The following COL18A1 variants were observed in gnomAD, a reference collection of about 807,000 sequenced individuals.
COL18A1 encodes collagen alpha-1(XVIII) chain.
COL18A1 carries 133 observed loss-of-function variants against 168.0 expected under a neutral mutation model. That is an observed-to-expected ratio of 0.79 (90% CI 0.69 to 0.91). The LOEUF (loss-of-function observed/expected upper bound fraction) is 0.91, where lower values mean the gene tolerates loss of function less well. Ranked by LOEUF, COL18A1 falls within the 40% of genes least tolerant of loss-of-function variation. The pLI, the probability that COL18A1 is intolerant of heterozygous loss-of-function variation, is 0.00. For missense variants in COL18A1, 2,126 were observed against 1,925.4 expected (o/e 1.10, Z -1.95); for synonymous variants, 949 against 809.0 (o/e 1.17, Z -2.94).
At chr21:45,478,287 A>C (rs774911728) in intron 8 of COL18A1, 40 bp from the exon 9 acceptor site, 1 of 1,613,752 alleles carries the variant, frequency 6.2e-7, no homozygotes, top group African/African-American at 1.3e-5. Flanking sequence ...GCGCCGGAGG[A>C]GTCATTTCCC....
At position 45,482,556 on chromosome 21, in the gene COL18A1, G is replaced by C. The variant is rs549720334; in HGVS notation, c.1675-239G>C. Among the ~76,000 whole-genome samples, 6 of 152,328 alleles carry C rather than the reference G, an allele frequency of 3.9e-5. No homozygotes were observed. In the East Asian group the frequency reaches 1.2e-3, roughly 29 times the overall value. Reference sequence around the variant, plus strand: ...GAGGCATCCAGGCCCCAGGCCCCACGTGTAGCCAGGTCCAGCATTGGGACC... The same window carrying C: ...GAGGCATCCAGGCCCCAGGCCCCACCTGTAGCCAGGTCCAGCATTGGGACC... On this transcript the variant is annotated intron_variant, in intron 14 of 41. Transcript: ENST00000651438.
intron 2 of COL18A1, among the ~76,000 whole-genome samples, chr21:45,461,237 G>A (rs2035034975): frequency 6.6e-6 from 1 of 152,234 alleles, no homozygotes; most frequent in Non-Finnish European, 1.5e-5. Flanking sequence ...GGCCTCGGCT[G>A]TGCCCTGTTA....
chr21:45,475,430 G>A, intron 4 of COL18A1, 46 bp from the exon 5 acceptor site: 1 of 1,539,298 alleles, frequency 6.5e-7, no homozygotes, highest in South Asian at 1.2e-5. Context: ...CTCGGGGCCT[G>A]GCCTGGCTGC....
In COL18A1 at chr21:45,465,319, C is replaced by T. The variant is rs186162744; in HGVS notation, c.107-2923C>T. ...AGAGATTGAATGTTGTAAACGTGTC[C>T]GAGTGTCAACAGGAAGTCTCCACCC... On this transcript the variant is annotated intron_variant, in intron 2 of 41. Transcript: ENST00000651438. Among the ~76,000 whole-genome samples the T allele has an allele frequency of 1.2e-4, 18 of 152,220 alleles. No homozygotes were observed. The East Asian group carries it at 1.4e-3, about 11-fold the overall frequency.
At chr21:45,465,519 C>T (rs1478325005) in intron 2 of COL18A1, among the ~76,000 whole-genome samples, 1 of 152,220 alleles carries the variant, frequency 6.6e-6, no homozygotes, top group Non-Finnish European at 1.5e-5. Context: ...GTGGCGCACT[C>T]TTCAAGCTCT....
At chr21:45,474,452 T>G (rs1410792766) in intron 4 of COL18A1, among the ~76,000 whole-genome samples, 1 of 148,448 alleles carries the variant, frequency 6.7e-6, no homozygotes, top group Admixed American at 6.6e-5. Flanking sequence ...TCTCTGTGTG[T>G]AGTGTGTCTC....
rs777883403 is a variant in COL18A1 at position 45,505,780 on chromosome 21, C to G, written c.3088-58C>G. 2.4e-5 allele frequency: 31 copies of G among 1,293,052 alleles called. No individual in the cohort carries two copies. In the South Asian group the frequency reaches 2.8e-4, roughly 12 times the overall value. 80.1% of individuals were successfully genotyped at this position (1,293,052 alleles called of 1,614,324 possible). ...CCCTGAAACGGGCATTCCTTCCTTC[C>G]GCCCCTGCCCCCCGCCCTCCCCGCC... On this transcript the variant is annotated intron_variant, in intron 36 of 41. Transcript: ENST00000651438.
chr21:45,493,361 C>A, intron 25 of COL18A1, 136 bp downstream of exon 25: 1 of 1,279,762 alleles, frequency 7.8e-7, no homozygotes, highest in Non-Finnish European at 1.1e-6. Flanking sequence ...CATCCCTGCT[C>A]GGGCCGTCCC....
At chr21:45,434,079 G>A (rs1410437969) in intron 2 of COL18A1, among the ~76,000 whole-genome samples, 2 of 152,024 alleles carry the variant, frequency 1.3e-5, no homozygotes, top group African/African-American at 4.8e-5. Context: ...GCAGGTGCAT[G>A]GGCCAGGTGT....
intron 2 of COL18A1, among the ~76,000 whole-genome samples, chr21:45,453,121 T>G (rs914904183): frequency 6.6e-6 from 1 of 151,938 alleles, no homozygotes; most frequent in African/African-American, 2.4e-5. Context: ...TGTATGTGTG[T>G]GGGCTTGTGT....
intron 32 of COL18A1, among the ~76,000 whole-genome samples, chr21:45,503,299 A>C (rs1372578257): frequency 1.3e-5 from 2 of 151,856 alleles, no homozygotes; most frequent in East Asian, 3.9e-4. Context: ...TGTGGTTTTG[A>C]TTTGCATTTC....
At chr21:45,504,088 A>C (rs2037034167) in intron 33 of COL18A1, 34 bp downstream of exon 33, 3 of 1,609,848 alleles carry the variant, frequency 1.9e-6, no homozygotes, top group Non-Finnish European at 2.5e-6. Context: ...GGGGGCCCCC[A>C]AGGTCCTGTA....
chr21:45,451,237 C>T (rs2034615822), intron 2 of COL18A1, among the ~76,000 whole-genome samples: 1 of 152,238 alleles, frequency 6.6e-6, no homozygotes, highest in Admixed American at 6.5e-5. Context: ...TACCACAGCA[C>T]TGTAGCCTAG....
intron 6 of COL18A1, among the ~76,000 whole-genome samples, chr21:45,476,891 T>A (rs925622586): frequency 2.0e-5 from 3 of 150,376 alleles, no homozygotes; most frequent in African/African-American, 7.4e-5. Flanking sequence ...GCATGTGTAA[T>A]GTACATGTGT....
chr21:45,494,261 C>CTCCACCA, intron 26 of COL18A1: 1 of 512,590 alleles, frequency 2.0e-6, no homozygotes, highest in South Asian at 2.0e-5. Context: ...ACCCTCCACC[C>CTCCACCA]TCCACCCCTG....
chr21:45,478,379 CT>C, intron 9 of COL18A1, 26 bp downstream of exon 9: 1 of 1,612,788 alleles, frequency 6.2e-7, no homozygotes, highest in Non-Finnish European at 8.5e-7. Flanking sequence ...TTTCTGACCC[CT>C]GTGTTATCTG....
intron 25 of COL18A1, 88 bp from the exon 26 acceptor site, chr21:45,493,413 G>A (rs2036427429): frequency 7.3e-7 from 1 of 1,373,436 alleles, no homozygotes; most frequent in African/African-American, 1.4e-5. Context: ...GCGAGGCCCA[G>A]TCACAGCGGC....
Position 45,488,459 on chromosome 21 carries a change from T to C in COL18A1, c.1923+15T>C, listed in dbSNP as rs2036191123. ...CGGGACTTAAGGTCAGTGACGGATATGTCTGGGTTTCTGTGGTTGCTGGCT... is the reference window on the plus strand; with the variant it reads ...CGGGACTTAAGGTCAGTGACGGATACGTCTGGGTTTCTGTGGTTGCTGGCT... On this transcript the variant is annotated intron_variant, in intron 18 of 41. Coordinates refer to ENST00000651438, the MANE Select transcript of COL18A1 (RefSeq NM_001379500.1). The C allele has an allele frequency of 1.2e-6, 2 of 1,613,762 alleles. No individual in the cohort carries two copies.
intron 19 of COL18A1, among the ~76,000 whole-genome samples, chr21:45,489,826 C>G (rs2036237087): frequency 6.8e-6 from 1 of 146,470 alleles, no homozygotes; most frequent in Non-Finnish European, 1.5e-5. Context: ...CTCCTTTTCC[C>G]CGACTTCCCC....
Sources: gnomAD v4.1 joint callset for allele counts (sites outside exome capture counted in the v4.1 genomes callset) on GRCh38, gnomAD v4.1.1 for gene constraint, MANE v1.5 for transcripts, NCBI Gene and HGNC (gene_info 2026-07-23, HGNC 2026-07-21) for gene names.